CNOT10: variants seen among roughly 807,000 people sequenced by gnomAD.
CNOT10 encodes CCR4-NOT transcription complex, subunit 10.
In CNOT10, 30 loss-of-function variants were observed where a neutral mutation model predicts 94.6. The observed-to-expected ratio is 0.32, with a 90% CI of 0.24 to 0.43. CNOT10 has a LOEUF of 0.43. CNOT10 is among the 20% of genes least tolerant of loss of function. The probability of loss-of-function intolerance (pLI) is 1.00; values close to 1 mark genes in which losing one functional copy is unlikely to be tolerated. For synonymous variants in CNOT10, 289 were observed against 301.6 expected, an observed-to-expected ratio of 0.96 and a Z score of 0.43; for missense variants, 759 against 877.2, an observed-to-expected ratio of 0.87 and a Z score of 1.70.
chr3:32,704,066 T>TTAATTTAGAGAGTAAATTTA lies in CNOT10; in HGVS notation c.117+104_117+105insTAATTTAGAGAGTAAATTTA. The TTAATTTAGAGAGTAAATTTA allele has an allele frequency of 6.2e-6, 4 of 645,516 alleles. No homozygotes were observed. In the Admixed American group the frequency reaches 9.7e-5, roughly 16 times the overall value. 40.0% of individuals were successfully genotyped at this position (645,516 alleles called of 1,614,324 possible). ...TTTACAATTTTTACTCTGTAATAAT[T>TTAATTTAGAGAGTAAATTTA]CAAAAGTTAATTTAGAGATAAGTAG... On this transcript the variant is annotated intron_variant, in intron 2 of 18. Transcript: ENST00000328834.
At chr3:32,760,356 G>A (rs1007984378) in intron 14 of CNOT10, among the ~76,000 whole-genome samples, 21 of 152,022 alleles carry the variant, frequency 1.4e-4, no homozygotes, top group African/African-American at 4.8e-4. Flanking sequence ...TACAGGCCAG[G>A]TGTGGTGGCT....
intron 13 of CNOT10, among the ~76,000 whole-genome samples, chr3:32,744,682 G>T (rs536401771): frequency 9.2e-5 from 14 of 152,216 alleles, no homozygotes; most frequent in African/African-American, 3.4e-4. Flanking sequence ...AACTGTTAAG[G>T]TTTGGATGAA....
chr3:32,687,439 G>GTTTTTTGTTTTGTTTTTTTTT (rs1696653694), intron 1 of CNOT10, among the ~76,000 whole-genome samples: 1 of 51,320 alleles, frequency 1.9e-5, no homozygotes, highest in Non-Finnish European at 3.4e-5. Context: ...AGTCCTCACG[G>GTTTTTTGTTTTGTTTTTTTTT]TTTTTTTTTT....
In CNOT10 at chr3:32,733,412, G is replaced by C. The variant is rs765386026; in HGVS notation, c.1216-11G>C. 6.5e-7 allele frequency: 1 copy of C among 1,548,660 alleles called. No individual in the cohort carries two copies. The highest frequency in any genetic ancestry group is 8.8e-7 in the Non-Finnish European group (1 of 1,142,372). On this transcript the variant is annotated splice_polypyrimidine_tract_variant and intron_variant, in intron 10 of 18. Coordinates refer to ENST00000328834, the MANE Select transcript of CNOT10 (RefSeq NM_015442.3). ...CCCTTAAATTTATTGGAAATTATTT[G>C]TATTTTGTAGACTTCTGAACAAGAA...
chr3:32,732,656 G>A (rs1053491520), intron 10 of CNOT10, among the ~76,000 whole-genome samples: 5 of 151,994 alleles, frequency 3.3e-5, no homozygotes, highest in African/African-American at 9.7e-5. Flanking sequence ...GCCCAGGCTG[G>A]TCTCACACTC....
intron 1 of CNOT10, among the ~76,000 whole-genome samples, chr3:32,695,072 T>C (rs1575202844): frequency 6.6e-6 from 1 of 152,314 alleles, no homozygotes. Flanking sequence ...TCTACACTAC[T>C]GGGCAGGATG....
intron 3 of CNOT10, 54 bp from the exon 4 acceptor site, chr3:32,708,616 T>G: frequency 6.7e-7 from 1 of 1,484,764 alleles, no homozygotes; most frequent in Non-Finnish European, 9.1e-7. Context: ...TTCTTTCACT[T>G]TTGCTTTTTA....
chr3:32,732,705 G>C (rs1020949018), intron 10 of CNOT10, among the ~76,000 whole-genome samples: 1 of 152,034 alleles, frequency 6.6e-6, no homozygotes, highest in African/African-American at 2.4e-5. Flanking sequence ...CTTCCCAAAG[G>C]GCTGGGATTA....
intron 13 of CNOT10, among the ~76,000 whole-genome samples, chr3:32,748,590 G>A (rs568134244): frequency 4.0e-5 from 6 of 150,664 alleles, no homozygotes; most frequent in African/African-American, 1.5e-4. Flanking sequence ...TTGGCTCACT[G>A]CAACCCCTGC....
chr3:32,703,146 G>A (rs1178355330), intron 1 of CNOT10, among the ~76,000 whole-genome samples: 4 of 145,036 alleles, frequency 2.8e-5, no homozygotes, highest in East Asian at 4.0e-4. Context: ...GGATGGTCTC[G>A]ATCTCCTGAC....
intron 10 of CNOT10, among the ~76,000 whole-genome samples, chr3:32,728,924 C>A (rs1339078467): frequency 3.9e-5 from 6 of 152,054 alleles, no homozygotes; most frequent in Non-Finnish European, 8.8e-5. Context: ...CACAGTGAAA[C>A]CCCCGTCTCT....
chr3:32,735,012 C>T, intron 12 of CNOT10, 36 bp downstream of exon 12: 1 of 1,542,716 alleles, frequency 6.5e-7, no homozygotes, highest in African/African-American at 1.4e-5. Flanking sequence ...TGGCAAAATC[C>T]TTTCAGGACT....
intron 13 of CNOT10, among the ~76,000 whole-genome samples, chr3:32,739,487 ATGTTT>A (rs1699356086): frequency 2.0e-5 from 3 of 151,850 alleles, no homozygotes; most frequent in African/African-American, 7.3e-5. Flanking sequence ...ACAAACAGTT[ATGTTT>A]TATTTGTTTA....
Position 32,703,752 on chromosome 3 carries a change from C to G in CNOT10, c.23-116C>G, listed in dbSNP as rs867809089. On this transcript the variant is annotated intron_variant, in intron 1 of 18. Coordinates refer to ENST00000328834, the MANE Select transcript of CNOT10 (RefSeq NM_015442.3). ...ACTGCTTATTTCTGGAATTTTCCAT[C>G]TGATATTTTCATACTTGACCTTGGG... 70 of 657,534 alleles carry G rather than the reference C, an allele frequency of 1.1e-4. No homozygotes were observed. In the Middle Eastern group the frequency reaches 1.8e-3, roughly 17 times the overall value. The allele number at this position is 657,534 out of a possible 1,614,324, so 40.7% of individuals were successfully genotyped here.
intron 1 of CNOT10, among the ~76,000 whole-genome samples, chr3:32,688,611 TACTC>T (rs1237905903): frequency 2.6e-5 from 4 of 151,386 alleles, no homozygotes; most frequent in Non-Finnish European, 2.9e-5. Flanking sequence ...AAAAAAATAA[TACTC>T]AGAAGAAAAA....
intron 13 of CNOT10, chr3:32,752,860 T>G (rs1575291310): frequency 2.0e-4 from 54 of 266,556 alleles, no homozygotes; most frequent in East Asian, 4.4e-4. Context: ...GTGGCGGAGG[T>G]GGTAACTACG....
chr3:32,737,179 G>T (rs531106314), intron 12 of CNOT10, among the ~76,000 whole-genome samples: 9 of 152,264 alleles, frequency 5.9e-5, no homozygotes, highest in Admixed American at 4.6e-4. Context: ...GCTGGGCGTG[G>T]TGGTGTGCGC....
intron 1 of CNOT10, among the ~76,000 whole-genome samples, chr3:32,694,684 G>A (rs537331116): frequency 6.6e-6 from 1 of 151,994 alleles, no homozygotes; most frequent in Non-Finnish European, 1.5e-5. Context: ...CTGCTTCCTG[G>A]GTTCAAGTGA....
intron 17 of CNOT10, among the ~76,000 whole-genome samples, chr3:32,767,903 G>A (rs9814104): frequency 0.14 from 21,321 of 152,144 alleles, 1,592 homozygotes; most frequent in Middle Eastern, 0.26. Context: ...TGAGGTTCTC[G>A]TACAGCAGGT....
Sources: gnomAD v4.1 joint callset for allele counts (sites outside exome capture counted in the v4.1 genomes callset) on GRCh38, gnomAD v4.1.1 for gene constraint, MANE v1.5 for transcripts, NCBI Gene and HGNC (gene_info 2026-07-23, HGNC 2026-07-21) for gene names.